Variants in SEMA6A observed in about 807,000 individuals in gnomAD.
SEMA6A encodes semaphorin 6A.
In SEMA6A, 25 loss-of-function variants were observed where a neutral mutation model predicts 96.8. That is an observed-to-expected ratio of 0.26 (90% CI 0.19 to 0.36). The LOEUF (loss-of-function observed/expected upper bound fraction) is 0.36. Among genes scored for constraint, SEMA6A ranks in the 10% least tolerant of loss-of-function variants. SEMA6A has a pLI of 1.00. For missense variants in SEMA6A, 1,363 were observed against 1,323.1 expected (o/e 1.03, Z -0.47); for synonymous variants, 612 against 518.0 (o/e 1.18, Z -2.46).
At chr5:116,487,732 C>T (rs527724679) in intron 9 of SEMA6A, among the ~76,000 whole-genome samples, 51 of 152,126 alleles carry the variant, frequency 3.4e-4, no homozygotes, top group Admixed American at 7.2e-4. Context: ...GGCACGGTGG[C>T]GCATGCCTGT....
intron 1 of SEMA6A, among the ~76,000 whole-genome samples, chr5:116,573,244 G>A (rs1761308048): frequency 6.6e-6 from 1 of 152,156 alleles, no homozygotes; most frequent in Non-Finnish European, 1.5e-5. Flanking sequence ...TCGGAACAGA[G>A]CCCTAGTCTG....
At chr5:116,448,365 G>C (rs56153002) in intron 18 of SEMA6A, among the ~76,000 whole-genome samples, 11,686 of 151,812 alleles carry the variant, frequency 0.077, 503 homozygotes, top group Admixed American at 0.12. Context: ...AGAAAGAAAA[G>C]TGCTGTTCAC....
chr5:116,555,930 A>G (rs1178854911), intron 1 of SEMA6A, among the ~76,000 whole-genome samples: 1 of 152,200 alleles, frequency 6.6e-6, no homozygotes. Flanking sequence ...CCAAATACAC[A>G]ATCTACATTA....
In SEMA6A at chr5:116,564,933, C is replaced by T. The variant is rs183398116; in HGVS notation, c.-39+9252G>A. The stretch of plus-strand genomic sequence containing the variant: ...ATGTTTCCATTGCCAAAATAACACA[C>T]GGCACACAGCAATCATGATGTCATT... On this transcript the variant is annotated intron_variant, in intron 1 of 18. Transcript: ENST00000343348. Among the ~76,000 whole-genome samples the T allele has an allele frequency of 4.5e-3, 680 of 152,276 alleles. 3 individuals are homozygous for T. The highest frequency in any genetic ancestry group is 7.7e-3 in the Non-Finnish European group (521 of 68,014).
At chr5:116,496,509 C>A (rs1757610786) in intron 4 of SEMA6A, among the ~76,000 whole-genome samples, 196 bp from the exon 5 acceptor site, 1 of 152,156 alleles carries the variant, frequency 6.6e-6, no homozygotes, top group Non-Finnish European at 1.5e-5. Flanking sequence ...GAACTCCTAT[C>A]TATTCATTAA....
At chr5:116,530,912 G>A (rs926773782) in intron 1 of SEMA6A, among the ~76,000 whole-genome samples, 1 of 152,176 alleles carries the variant, frequency 6.6e-6, no homozygotes, top group African/African-American at 2.4e-5. Flanking sequence ...AGCTCTTGAT[G>A]TGTAATGACT....
intron 18 of SEMA6A, among the ~76,000 whole-genome samples, chr5:116,457,194 C>G (rs184941097): frequency 1.3e-5 from 2 of 152,136 alleles, no homozygotes; most frequent in Non-Finnish European, 2.9e-5. Flanking sequence ...GACCCATCAG[C>G]ACTTAGGGTA....
chr5:116,522,930 T>C (rs1286723315), intron 1 of SEMA6A, among the ~76,000 whole-genome samples: 1 of 152,100 alleles, frequency 6.6e-6, no homozygotes, highest in African/African-American at 2.4e-5. Context: ...TTCGACCATC[T>C]CAGAATGACT....
chr5:116,467,576 G>C lies in SEMA6A; in HGVS notation c.1894+7C>G, dbSNP rs1208427413. 6.2e-7 allele frequency: 1 copy of C among 1,610,458 alleles called. No homozygotes were observed. On this transcript the variant is annotated splice_region_variant and intron_variant, in intron 18 of 18. Transcript: ENST00000343348. Reference sequence around the variant, plus strand: ...CCCGAGAGGAAGAGGCATTTCCAAGGCCTTACCCTTCTTGTCTTGGTGATT... The same window carrying C: ...CCCGAGAGGAAGAGGCATTTCCAAGCCCTTACCCTTCTTGTCTTGGTGATT...
chr5:116,482,266 AG>A (rs1756818708), intron 11 of SEMA6A, among the ~76,000 whole-genome samples, 177 bp downstream of exon 11: 1 of 152,106 alleles, frequency 6.6e-6, no homozygotes, highest in African/African-American at 2.4e-5. Flanking sequence ...AGAAGACTAG[AG>A]GAACATTGGT....
At chr5:116,484,066 G>GAA (rs542325007) in intron 10 of SEMA6A, among the ~76,000 whole-genome samples, 1,200 of 99,892 alleles carry the variant, frequency 0.012, 33 homozygotes, top group African/African-American at 0.039. Context: ...TCTGTCTGAA[G>GAA]AAAAAAAAAA....
chr5:116,524,771 T>TACAC (rs905399420), intron 1 of SEMA6A, among the ~76,000 whole-genome samples: 2 of 19,110 alleles, frequency 1.0e-4, no homozygotes, highest in Admixed American at 9.9e-4. Context: ...TGGGTATGTA[T>TACAC]ACACACACAC....
At chr5:116,485,558 ACT>A (rs1757010225) in intron 10 of SEMA6A, among the ~76,000 whole-genome samples, 1 of 152,000 alleles carries the variant, frequency 6.6e-6, no homozygotes, top group Non-Finnish European at 1.5e-5. Context: ...GGGGAGCTTG[ACT>A]CTCATCCGCT....
intron 1 of SEMA6A, among the ~76,000 whole-genome samples, chr5:116,573,966 G>GAGCC (rs1761353867): frequency 6.6e-6 from 1 of 152,040 alleles, no homozygotes; most frequent in South Asian, 2.1e-4. Flanking sequence ...TCTCGACGTG[G>GAGCC]AGCCGGACGC....
At chr5:116,489,443 A>G (rs1757228750) in intron 7 of SEMA6A, among the ~76,000 whole-genome samples, 1 of 152,138 alleles carries the variant, frequency 6.6e-6, no homozygotes, top group Non-Finnish European at 1.5e-5. Context: ...GCACATGCAT[A>G]AGTAAAGAAG....
chr5:116,522,126 A>T (rs1433180074), intron 1 of SEMA6A, among the ~76,000 whole-genome samples: 1 of 152,220 alleles, frequency 6.6e-6, no homozygotes, highest in Non-Finnish European at 1.5e-5. Context: ...TGCAGTTCTC[A>T]TATATAAGCA....
chr5:116,484,560 G>T (rs1326307177), intron 10 of SEMA6A, among the ~76,000 whole-genome samples: 2 of 152,050 alleles, frequency 1.3e-5, no homozygotes, highest in Non-Finnish European at 2.9e-5. Context: ...GGAGGCGGAG[G>T]TTGCAGCGAG....
Position 116,473,062 on chromosome 5 carries a change from A to G in SEMA6A, c.1729+11T>C. The stretch of plus-strand genomic sequence containing the variant: ...ACCAGTATGGAATTATGAGAGTAAT[A>G]TCTTCCTTACCATTCAGTGCCACAA... On this transcript the variant is annotated intron_variant, in intron 17 of 18. Transcript: ENST00000343348. 2 of 1,591,536 alleles carry G rather than the reference A, an allele frequency of 1.3e-6. No individual in the cohort carries two copies. Among genetic ancestry groups the G allele is most frequent in the Non-Finnish European group, 1.7e-6 (2 of 1,167,704 alleles).
chr5:116,568,648 C>T (rs919591594), intron 1 of SEMA6A, among the ~76,000 whole-genome samples: 2 of 152,202 alleles, frequency 1.3e-5, no homozygotes, highest in African/African-American at 4.8e-5. Context: ...AACTCAGACT[C>T]CCTCCAGCTA....
Sources: allele counts gnomAD v4.1 joint callset (sites outside exome capture counted in the v4.1 genomes callset), GRCh38; gene constraint gnomAD v4.1.1; transcripts MANE v1.5; gene names NCBI Gene and HGNC (gene_info 2026-07-23, HGNC 2026-07-21).